The following FHIT variants were observed in gnomAD, a reference collection of about 807,000 sequenced individuals.
FHIT encodes the protein fragile histidine triad diadenosine triphosphatase, also known as bis(5'-adenosyl)-triphosphatase.
Under a neutral mutation model 17.9 loss-of-function variants are expected in FHIT, and 19 were observed. That is an observed-to-expected ratio of 1.06 (90% CI 0.74 to 1.56). FHIT has a LOEUF of 1.56. Ranked by LOEUF, FHIT falls within the 40% of genes most tolerant of loss-of-function variation. The pLI is 0.00. For missense variants in FHIT, 248 were observed against 189.2 expected, an observed-to-expected ratio of 1.31 and a Z score of -1.82; for synonymous variants, 81 against 69.7, an observed-to-expected ratio of 1.16 and a Z score of -0.81.
At chr3:60,074,308 G>T (rs1402908547) in intron 5 of FHIT, among the ~76,000 whole-genome samples, 2 of 152,010 alleles carry the variant, frequency 1.3e-5, no homozygotes, top group African/African-American at 2.4e-5. Flanking sequence ...ACAAAGGTTG[G>T]AAGTTTTCTC....
chr3:59,753,897 C>T (rs964391209), intron 8 of FHIT, among the ~76,000 whole-genome samples: 6 of 152,096 alleles, frequency 3.9e-5, no homozygotes, highest in African/African-American at 9.7e-5. Context: ...TACAGTGTCC[C>T]TAAAGAGCAT....
chr3:61,122,425 C>CT (rs1198500013), intron 2 of FHIT, among the ~76,000 whole-genome samples: 1 of 152,086 alleles, frequency 6.6e-6, no homozygotes, highest in Non-Finnish European at 1.5e-5. Flanking sequence ...TAGGCAATAC[C>CT]ATTCAGGACA....
intron 8 of FHIT, among the ~76,000 whole-genome samples, chr3:59,921,498 G>T (rs148280752): frequency 6.6e-6 from 1 of 152,224 alleles, no homozygotes; most frequent in Non-Finnish European, 1.5e-5. Flanking sequence ...GCCCTTGGCA[G>T]GCGTTGCTAA....
chr3:61,215,699 C>G (rs867637718), intron 1 of FHIT, among the ~76,000 whole-genome samples: 2 of 152,142 alleles, frequency 1.3e-5, no homozygotes, highest in Admixed American at 6.5e-5. Context: ...CAATCCTAAG[C>G]CAAAAGAATA....
chr3:60,386,429 C>CA (rs1286420150), intron 5 of FHIT, among the ~76,000 whole-genome samples: 1 of 152,184 alleles, frequency 6.6e-6, no homozygotes, highest in African/African-American at 2.4e-5. Flanking sequence ...AGCTTCACCT[C>CA]ACAATATCTA....
intron 5 of FHIT, among the ~76,000 whole-genome samples, chr3:60,112,022 G>T (rs1300999286): frequency 2.0e-5 from 3 of 152,192 alleles, no homozygotes; most frequent in Non-Finnish European, 4.4e-5. Flanking sequence ...AACCATAAGA[G>T]AAATTATTGT....
intron 5 of FHIT, among the ~76,000 whole-genome samples, chr3:60,271,518 A>G (rs898920859): frequency 2.6e-5 from 4 of 152,242 alleles, no homozygotes; most frequent in African/African-American, 9.6e-5. Flanking sequence ...GGATTTGTTC[A>G]TTAACAAGTT....
intron 5 of FHIT, among the ~76,000 whole-genome samples, chr3:60,501,725 T>A (rs2107525023): frequency 6.6e-6 from 1 of 152,318 alleles, no homozygotes; most frequent in South Asian, 2.1e-4. Context: ...AGATCATATA[T>A]CCACATTAAG....
At chr3:59,787,275 T>C (rs569496231) in intron 8 of FHIT, among the ~76,000 whole-genome samples, 6 of 152,308 alleles carry the variant, frequency 3.9e-5, no homozygotes, top group South Asian at 2.1e-4. Context: ...ATTATTTCCA[T>C]GACAAATAAT....
intron 4 of FHIT, among the ~76,000 whole-genome samples, chr3:60,689,687 C>T (rs868929442): frequency 9.9e-5 from 15 of 152,030 alleles, no homozygotes; most frequent in South Asian, 2.1e-4. Context: ...ATTTGTTGAA[C>T]GAATACATTT....
At chr3:60,843,511 A>G (rs1553745665) in intron 3 of FHIT, among the ~76,000 whole-genome samples, 1 of 152,174 alleles carries the variant, frequency 6.6e-6, no homozygotes. Flanking sequence ...TTTGCCCTCT[A>G]AAGCAACCAG....
At chr3:60,132,356 G>A (rs899649344) in intron 5 of FHIT, among the ~76,000 whole-genome samples, 2 of 152,082 alleles carry the variant, frequency 1.3e-5, no homozygotes, top group African/African-American at 2.4e-5. Flanking sequence ...CAGGTTAGAT[G>A]GTCACTAGTT....
Position 61,057,194 on chromosome 3 carries a change from T to A in FHIT, c.-163-15095A>T, listed in dbSNP as rs561141297. Among the ~76,000 whole-genome samples the A allele has an allele frequency of 4.6e-5, 7 of 152,384 alleles. No individual in the cohort carries two copies. The South Asian group carries it at 1.4e-3, about 32-fold the overall frequency. On this transcript the variant is annotated intron_variant, in intron 2 of 9. Transcript: ENST00000492590. ...GTTAATGCAATATTCCTCATTTGAA[T>A]TTAGTTTTGTCATTTTGATTGCATG...
intron 5 of FHIT, among the ~76,000 whole-genome samples, chr3:60,121,709 AACACACACACACACACACACAC>A (rs57250663): frequency 6.0e-5 from 7 of 116,336 alleles, no homozygotes; most frequent in Non-Finnish European, 9.3e-5. Flanking sequence ...AAACAAAACA[AACACACACACACACACACACAC>A]ACACACACAC....
chr3:59,799,665 ACCCT>A (rs1699917968), intron 8 of FHIT, among the ~76,000 whole-genome samples: 1 of 151,948 alleles, frequency 6.6e-6, no homozygotes, highest in South Asian at 2.1e-4. Context: ...AAGAGAAGAG[ACCCT>A]TTCTTCCATT....
intron 1 of FHIT, among the ~76,000 whole-genome samples, chr3:61,243,651 T>C (rs528658240): frequency 6.6e-6 from 1 of 152,324 alleles, no homozygotes; most frequent in African/African-American, 2.4e-5. Flanking sequence ...AACACTGCCA[T>C]AGATCATGAA....
At chr3:60,890,482 G>T (rs9870929) in intron 3 of FHIT, among the ~76,000 whole-genome samples, 38,752 of 152,058 alleles carry the variant, frequency 0.25, 5,675 homozygotes, top group African/African-American at 0.39. Context: ...ATCACTGTTG[G>T]TTTAAGCAAC....
intron 5 of FHIT, among the ~76,000 whole-genome samples, chr3:60,535,513 T>C (rs1423677290): frequency 6.6e-6 from 1 of 151,996 alleles, no homozygotes; most frequent in Non-Finnish European, 1.5e-5. Context: ...ATTCAGGTCT[T>C]TTAAAAGATT....
At chr3:59,753,972 T>A (rs1701062216) in intron 8 of FHIT, among the ~76,000 whole-genome samples, 1 of 151,938 alleles carries the variant, frequency 6.6e-6, no homozygotes, top group African/African-American at 2.4e-5. Context: ...ATCGACTTTT[T>A]AAAAGTTGAT....
Sources: gnomAD v4.1 joint callset for allele counts (sites outside exome capture counted in the v4.1 genomes callset) on GRCh38, gnomAD v4.1.1 for gene constraint, MANE v1.5 for transcripts, NCBI Gene and HGNC (gene_info 2026-07-23, HGNC 2026-07-21) for gene names.